The following MCM3 variants were observed in gnomAD, a reference collection of about 807,000 sequenced individuals.
MCM3 encodes the protein minichromosome maintenance complex component 3.
MCM3 carries 59 observed loss-of-function variants against 91.3 expected under a neutral mutation model. That is an observed-to-expected ratio of 0.65 (90% confidence interval 0.52 to 0.80). MCM3 has a LOEUF of 0.80. MCM3 is among the 30% of genes least tolerant of loss of function. The pLI, the probability that MCM3 is intolerant of heterozygous loss-of-function variation, is 0.00. For missense variants in MCM3, 919 were observed against 1,035.4 expected, an observed-to-expected ratio of 0.89 and a Z score of 1.54; for synonymous variants, 383 against 379.6, an observed-to-expected ratio of 1.01 and a Z score of -0.10.
At chr6:52,267,096 C>CTTTTT (rs70977337) in intron 14 of MCM3, among the ~76,000 whole-genome samples, 7 of 111,572 alleles carry the variant, frequency 6.3e-5, no homozygotes, top group Non-Finnish European at 1.1e-4. Context: ...AGGGTATCTT[C>CTTTTT]TTTTTTTTTT....
Position 52,277,122 on chromosome 6 carries a change from G to T in MCM3, c.1110C>A (p.Gly370=), listed in dbSNP as rs1765641553. Residue 370 remains glycine (G), a synonymous_variant, in exon 8 of 17, where the codon GGC becomes GGA. Transcript: ENST00000596288. Reference sequence around the variant, plus strand: ...TCAGACCCACTCCAGAGGAGCCCCGGCCAGTGGTGGGGATAGCTCGGGGTG... The same window carrying T: ...TCAGACCCACTCCAGAGGAGCCCCGTCCAGTGGTGGGGATAGCTCGGGGTG... ...CTAPRAIPTT[G]RGSSGVGLTA... The T allele has an allele frequency of 2.5e-6, 4 of 1,614,082 alleles. No homozygotes were observed. The highest frequency in any genetic ancestry group is 3.4e-6 in the Non-Finnish European group (4 of 1,179,982).
chr6:52,273,745 C>T lies in MCM3; in HGVS notation c.1546G>A (p.Asp516Asn), dbSNP rs1267517157. 3 of 1,608,658 alleles carry T rather than the reference C, an allele frequency of 1.9e-6. No individual in the cohort carries two copies. Among genetic ancestry groups the T allele is most frequent in the South Asian group, 2.2e-5 (2 of 90,464 alleles). The stretch of plus-strand genomic sequence containing the variant: ...CTTACTATTCTTATGGCCTCACCAT[C>T]GCCATCCTGCTCCCCAGGTGCTCTG... ...RYRAPGEQDG[D>N]AMPLGSAVDI... The change falls in exon 10 of 17, where the codon GAT becomes AAT. Residue 516 changes from aspartate (D) to asparagine (N), a missense_variant. By Grantham distance (23) the Asp-to-Asn change is conservative (BLOSUM62 1). Around this residue, in one of 3 missense-constraint regions of MCM3, gnomAD observed 233 missense variants for 321.2 expected, o/e 0.73. Coordinates refer to ENST00000596288, the MANE Select transcript of MCM3 (RefSeq NM_002388.6).
chr6:52,273,188 A>G lies in MCM3; in HGVS notation c.1676+42T>C, dbSNP rs756754261. 1.8e-5 allele frequency: 29 copies of G among 1,613,006 alleles called. No individual in the cohort carries two copies. The South Asian group carries it at 2.3e-4, about 13-fold the overall frequency. On this transcript the variant is annotated intron_variant, in intron 11 of 16. Coordinates refer to ENST00000596288, the MANE Select transcript of MCM3 (RefSeq NM_002388.6). ...ATATACACATGCTCTAATATAACAC[A>G]TATTTCAGGTTCCCTTGAGGAAGAG...
intron 8 of MCM3, among the ~76,000 whole-genome samples, chr6:52,276,801 T>C (rs1765608198): frequency 1.3e-5 from 2 of 152,208 alleles, no homozygotes; most frequent in Non-Finnish European, 2.9e-5. Flanking sequence ...CCAAATCCCT[T>C]CCTCTAGTTC....
rs7739569 is a variant in MCM3, at chr6:52,265,189, A to G, written c.2229-403T>C. 1.5e-3 allele frequency: 517 copies of G among 349,004 alleles called. 3 individuals carry two copies. The highest frequency in any genetic ancestry group is 0.011 in the African/African-American group (497 of 46,332). The allele number at this position is 349,004 out of a possible 1,614,324, so 21.6% of individuals were successfully genotyped here. ...TTTACTGTAAACAGGGAACAACCCAAATGTCTATCATCAGAGAATTTCATT... is the reference window on the plus strand; with the variant it reads ...TTTACTGTAAACAGGGAACAACCCAGATGTCTATCATCAGAGAATTTCATT... On this transcript the variant is annotated intron_variant, in intron 16 of 16. Coordinates refer to ENST00000596288, the MANE Select transcript of MCM3 (RefSeq NM_002388.6).
rs17239852 is a variant in MCM3, at chr6:52,282,678, G to A, written c.375C>T (p.Val125=). 1.5e-4 allele frequency: 238 copies of A among 1,613,508 alleles called. No homozygotes were observed. In the African/African-American group the frequency reaches 2.9e-3, roughly 20 times the overall value. The change falls in exon 3 of 17, where the codon GTC becomes GTT. Residue 125 remains valine (V), a synonymous_variant. Transcript: ENST00000596288. ...ATTTAGTGACAATGCCCTCCACACA[G>A]ACCACACAGCTGAGGAAGCAGGAGG... ...TLTSCFLSCV[V]CVEGIVTKCS...
chr6:52,269,264 T>G (rs1340974631), intron 12 of MCM3, 38 bp from the exon 13 acceptor site: 1 of 1,582,718 alleles, frequency 6.3e-7, no homozygotes, highest in South Asian at 1.1e-5. Flanking sequence ...TCCCAAGTCT[T>G]TTAGGCATGC....
intron 8 of MCM3, 115 bp downstream of exon 8, chr6:52,276,952 T>A: frequency 1.6e-6 from 2 of 1,269,104 alleles, no homozygotes; most frequent in Admixed American, 4.6e-5. Flanking sequence ...CAGTCCTCTA[T>A]AATCTGGACC....
intron 1 of MCM3, among the ~76,000 whole-genome samples, chr6:52,284,077 A>C (rs1766414453): frequency 1.3e-5 from 2 of 152,232 alleles, no homozygotes; most frequent in Admixed American, 1.3e-4. Flanking sequence ...TATGGCTTTA[A>C]GTCTTGGGTT....
intron 2 of MCM3, 148 bp from the exon 3 acceptor site, chr6:52,283,009 A>C (rs1413012464): frequency 1.2e-5 from 8 of 644,240 alleles, no homozygotes; most frequent in Non-Finnish European, 1.6e-5. Context: ...ACACCATCCT[A>C]TAAGACTCAG....
intron 16 of MCM3, chr6:52,265,132 G>A (rs1405592498): frequency 8.4e-6 from 3 of 358,268 alleles, no homozygotes; most frequent in Non-Finnish European, 1.6e-5. Context: ...AGCTATACTT[G>A]CATGAGTGCA....
chr6:52,281,082 G>A (rs1000632544), intron 4 of MCM3, among the ~76,000 whole-genome samples: 1 of 152,158 alleles, frequency 6.6e-6, no homozygotes, highest in Non-Finnish European at 1.5e-5. Context: ...TTGTTTGATA[G>A]AATCAGTTCA....
chr6:52,276,224 C>T (rs935230565), intron 9 of MCM3, 44 bp downstream of exon 9: 6 of 1,553,472 alleles, frequency 3.9e-6, no homozygotes, highest in Non-Finnish European at 5.3e-6. Flanking sequence ...GTCAGCAAAA[C>T]CAAATGAAGG....
At chr6:52,275,361 T>C (rs2128280249) in intron 9 of MCM3, among the ~76,000 whole-genome samples, 1 of 152,346 alleles carries the variant, frequency 6.6e-6, no homozygotes, top group Non-Finnish European at 1.5e-5. Flanking sequence ...CATAATCTTT[T>C]GTACCTCCAT....
At position 52,267,854 on chromosome 6, in the gene MCM3, C is replaced by T. The variant is rs1764770937; in HGVS notation, c.2072+11G>A. The T allele has an allele frequency of 3.2e-6, 3 of 943,570 alleles. No homozygotes were observed. The highest frequency in any genetic ancestry group is 5.1e-6 in the Non-Finnish European group (3 of 588,846). The allele number at this position is 943,570 out of a possible 1,614,324, so 58.4% of individuals were successfully genotyped here. On this transcript the variant is annotated intron_variant, in intron 14 of 16. Coordinates refer to ENST00000596288, the MANE Select transcript of MCM3 (RefSeq NM_002388.6). ...CTAACTTTTTAATCTCATTTGCTTG[C>T]CCCACCTTACCTCTTCCTCTTCTGC... is the stretch of plus-strand genomic sequence containing the variant.
Position 52,266,634 on chromosome 6 carries a change from T to G in MCM3, c.2135A>C (p.Asp712Ala). The change falls in exon 15 of 17, where the codon GAC becomes GCC. Residue 712 changes from aspartate to alanine, a missense_variant. Physicochemically the swap from Asp to Ala is moderately radical, Grantham distance 126 (BLOSUM62 -2). This residue lies in a region of MCM3 where 285 missense variants were observed against 311.4 expected (regional missense o/e 0.92). Transcript: ENST00000596288. ...ACCTTGAGGCATTTCCTCCTCTGTGTCACTGAAGTCATAGGGGTCGTATGA... is the reference window on the plus strand; with the variant it reads ...ACCTTGAGGCATTTCCTCCTCTGTGGCACTGAAGTCATAGGGGTCGTATGA... ...GDSYDPYDFS[D>A]TEEEMPQVHT... 6.2e-7 allele frequency: 1 copy of G among 1,614,142 alleles called. No homozygotes were observed. Among genetic ancestry groups the G allele is most frequent in the East Asian group, 2.2e-5 (1 of 44,878 alleles).
chr6:52,266,272 G>A (rs1764636039), intron 15 of MCM3, 128 bp from the exon 16 acceptor site: 1 of 731,964 alleles, frequency 1.4e-6, no homozygotes, highest in African/African-American at 1.7e-5. Context: ...ATTTCCTAGG[G>A]TTCTTATGGG....
At chr6:52,275,017 G>A (rs898885423) in intron 9 of MCM3, among the ~76,000 whole-genome samples, 3 of 152,234 alleles carry the variant, frequency 2.0e-5, no homozygotes, top group Admixed American at 6.5e-5. Flanking sequence ...TCCCACCTCA[G>A]CCTCCCAAAG....
intron 4 of MCM3, 82 bp from the exon 5 acceptor site, chr6:52,279,681 T>C: frequency 9.7e-7 from 1 of 1,033,598 alleles, no homozygotes; most frequent in Non-Finnish European, 1.4e-6. Flanking sequence ...GCAAATAAGA[T>C]GACTTCATAA....
Sources: gnomAD v4.1 joint callset for allele counts (sites outside exome capture counted in the v4.1 genomes callset) on GRCh38, gnomAD v4.1.1 for gene constraint, gnomAD v4.1.1 regional missense constraint, MANE v1.5 for transcripts, NCBI Gene and HGNC (gene_info 2026-07-23, HGNC 2026-07-21) for gene names.